PLCH2: variants seen among roughly 807,000 people sequenced by gnomAD.
The protein encoded by PLCH2 is phospholipase C eta 2.
In PLCH2, 98 loss-of-function variants were observed where a neutral mutation model predicts 134.7. That is an observed-to-expected ratio of 0.73 (90% CI 0.62 to 0.86). The LOEUF is 0.86. PLCH2 is among the 40% of genes least tolerant of loss of function. PLCH2 has a pLI of 0.00. For synonymous variants in PLCH2, 974 were observed against 827.5 expected (o/e 1.18, Z -3.04); for missense variants, 1,994 against 1,986.6 (o/e 1.00, Z -0.07).
chr1:2,431,863 T>C (rs1639088115), intron 2 of PLCH2, among the ~76,000 whole-genome samples: 1 of 152,138 alleles, frequency 6.6e-6, no homozygotes, highest in Non-Finnish European at 1.5e-5. Context: ...GGGGCCTTTC[T>C]GGGAGGCTCC....
upstream of PLCH2, among the ~76,000 whole-genome samples, chr1:2,422,648 T>A (rs1638577964): frequency 1.3e-5 from 2 of 152,236 alleles, no homozygotes; most frequent in African/African-American, 4.8e-5. Context: ...TGTTACATTA[T>A]CATCTGTTGG....
At chr1:2,424,942 C>T (rs1206121668), upstream of PLCH2, among the ~76,000 whole-genome samples, 4 of 152,120 alleles carry the variant, frequency 2.6e-5, no homozygotes, top group Admixed American at 2.6e-4. Context: ...GCTGAGATTG[C>T]TCCACTGCAC....
chr1:2,478,787 G>A (rs1366082879), intron 2 of PLCH2, among the ~76,000 whole-genome samples, 165 bp downstream of exon 2: 4 of 152,262 alleles, frequency 2.6e-5, no homozygotes, highest in Non-Finnish European at 4.4e-5. Context: ...CGGGCTGTGG[G>A]GTAGGAGGGA....
At chr1:2,491,164 C>T (rs1411790327) in intron 10 of PLCH2, 28 bp from the exon 11 acceptor site, 2 of 1,602,216 alleles carry the variant, frequency 1.2e-6, no homozygotes, top group Non-Finnish European at 1.7e-6. Flanking sequence ...GGGACAGATG[C>T]CAACAGGCCG....
chr1:2,473,030 C>T (rs1362144699), upstream of PLCH2, among the ~76,000 whole-genome samples: 1 of 152,162 alleles, frequency 6.6e-6, no homozygotes, highest in Non-Finnish European at 1.5e-5. Flanking sequence ...TTGTTGATGA[C>T]AGCCGCGAGG....
upstream of PLCH2, among the ~76,000 whole-genome samples, chr1:2,422,223 C>T (rs371913843): frequency 9.2e-5 from 14 of 152,156 alleles, no homozygotes; most frequent in South Asian, 2.1e-4. Context: ...GAGCCGAGAT[C>T]GCGCCAGTGC....
intron 8 of PLCH2, 83 bp downstream of exon 8, chr1:2,487,801 C>T (rs1201449134): frequency 7.6e-7 from 1 of 1,317,322 alleles, no homozygotes; most frequent in Non-Finnish European, 1.1e-6. Flanking sequence ...GCCACACCCA[C>T]ATGTCCTTTC....
At chr1:2,501,847 G>A in intron 20 of PLCH2, 1 of 449,356 alleles carries the variant, frequency 2.2e-6, no homozygotes, top group African/African-American at 2.1e-5. Flanking sequence ...GACAGGTCAG[G>A]CGAGGGCAGT....
chr1:2,499,470 G>C (rs1201837839), intron 19 of PLCH2, among the ~76,000 whole-genome samples, 171 bp from the exon 20 acceptor site: 1 of 151,996 alleles, frequency 6.6e-6, no homozygotes, highest in Non-Finnish European at 1.5e-5. Flanking sequence ...ATGCCAATGG[G>C]CTTCCTGGAG....
intron 20 of PLCH2, chr1:2,500,019 G>A (rs1643128629): frequency 9.6e-6 from 5 of 522,010 alleles, no homozygotes; most frequent in South Asian, 9.4e-5. Flanking sequence ...AGACTCTTGG[G>A]GGCCTTGCAG....
intron 2 of PLCH2, among the ~76,000 whole-genome samples, chr1:2,449,138 AC>A (rs1162605399): frequency 4.9e-5 from 4 of 80,866 alleles, no homozygotes; most frequent in African/African-American, 1.9e-4. Context: ...CAGCACCCCC[AC>A]CCCCCGCCCC....
At chr1:2,429,165 G>T (rs1638947779) in intron 1 of PLCH2, among the ~76,000 whole-genome samples, 1 of 152,134 alleles carries the variant, frequency 6.6e-6, no homozygotes, top group African/African-American at 2.4e-5. Context: ...CAAGGGTGGG[G>T]GTCCTACCTG....
In PLCH2 at chr1:2,448,831, C is replaced by A. The variant is rs922827989; in HGVS notation, c.115+18202C>A. On this transcript the variant is annotated intron_variant, in intron 2 of 3. Coordinates refer to the PLCH2 transcript ENST00000609981. The surrounding 1 kb of genome is among the most constrained non-coding windows in gnomAD (Gnocchi z 4.0). The stretch of plus-strand genomic sequence containing the variant: ...GAGGGGTACTGGAGGCCTGGACGGG[C>A]CTCACTCCATTCTTAGGGAGCGGCT... 1.3e-5 allele frequency among the ~76,000 whole-genome samples: 2 copies of A among 152,150 alleles called. No individual in the cohort carries two copies. The highest frequency in any genetic ancestry group is 2.9e-5 in the Non-Finnish European group (2 of 68,010).
chr1:2,437,755 A>G (rs547545758), intron 2 of PLCH2, among the ~76,000 whole-genome samples: 2 of 152,316 alleles, frequency 1.3e-5, no homozygotes, highest in East Asian at 3.9e-4. Flanking sequence ...CCACACACAT[A>G]CGTGCACACA....
rs1643442939 is a variant in PLCH2 at position 2,504,722 on chromosome 1, T to G, written c.3760T>G (p.Ser1254Ala). Residue 1254 changes from serine (S) to alanine (A), a missense_variant, in exon 22 of 22, where the codon TCC (serine) becomes GCC (alanine). Ser to Ala is a moderately conservative substitution (Grantham distance 99). This residue lies in a region of PLCH2 where 900 missense variants were observed against 752.3 expected (regional missense o/e 1.20). Coordinates refer to ENST00000378486, the MANE Select transcript of PLCH2 (RefSeq NM_014638.4). ...GVQDCPVAAK[S>A]KSLGDLTADD... ...GCAGGACTGCCCCGTGGCTGCCAAG[T>G]CCAAGAGCCTGGGCGACCTCACTGC... 5 of 1,612,364 alleles carry G rather than the reference T, an allele frequency of 3.1e-6. No individual in the cohort carries two copies. The highest frequency in any genetic ancestry group is 1.3e-5 in the African/African-American group (1 of 74,902).
At chr1:2,416,175 C>T in the PLCH2 span, among the ~76,000 whole-genome samples, 4 of 152,306 alleles carry the variant, frequency 2.6e-5, no homozygotes, top group East Asian at 1.9e-4. Flanking sequence ...ACCCAGCGGT[C>T]GCTCAGGACC....
At chr1:2,497,140 T>C in intron 15 of PLCH2, 130 bp downstream of exon 15, 1 of 889,494 alleles carries the variant, frequency 1.1e-6, no homozygotes, top group Admixed American at 2.7e-5. Context: ...CCTTGGAGCC[T>C]CCACACCTCT....
At chr1:2,435,957 CTCCCTCCTCCCTTCT>C (rs1403450913) in intron 2 of PLCH2, among the ~76,000 whole-genome samples, 59 of 144,404 alleles carry the variant, frequency 4.1e-4, no homozygotes, top group Non-Finnish European at 6.1e-4. Flanking sequence ...TCCTCTCCTC[CTCCCTCCTCCCTTCT>C]TCCCTCCTCC....
intron 11 of PLCH2, 68 bp downstream of exon 11, chr1:2,491,403 C>T (rs1570453212): frequency 6.5e-7 from 1 of 1,541,562 alleles, no homozygotes; most frequent in South Asian, 1.2e-5. Context: ...GTGGGCCAGC[C>T]AGGGCCCCCG....
Sources: gnomAD v4.1 joint callset for allele counts (sites outside exome capture counted in the v4.1 genomes callset) on GRCh38, gnomAD v4.1.1 for gene constraint, gnomAD v4.1.1 regional missense constraint, Gnocchi (gnomAD v3.1) non-coding constraint, MANE v1.5 for transcripts, NCBI Gene and HGNC (gene_info 2026-07-23, HGNC 2026-07-21) for gene names.